Variants in FANCI observed in about 807,000 individuals in gnomAD.
The protein encoded by FANCI is Fanconi anemia group I protein.
FANCI carries 156 observed loss-of-function variants against 176.1 expected under a neutral mutation model. The observed-to-expected ratio is 0.89, with a 90% confidence interval of 0.78 to 1.01. The LOEUF (loss-of-function observed/expected upper bound fraction) is 1.01, where lower values mean the gene tolerates loss of function less well. Ranked by LOEUF, FANCI falls within the 50% of genes least tolerant of loss-of-function variation. The probability of loss-of-function intolerance (pLI) is 0.00; values close to 1 mark genes in which losing one functional copy is unlikely to be tolerated. For synonymous variants in FANCI, 613 were observed against 541.7 expected (o/e 1.13, Z -1.83); for missense variants, 1,678 against 1,534.1 (o/e 1.09, Z -1.57).
At chr15:89,293,800 T>G (rs770861248) in intron 22 of FANCI, 33 bp from the exon 23 acceptor site, 6 of 1,605,336 alleles carry the variant, frequency 3.7e-6, no homozygotes, top group Non-Finnish European at 2.6e-6. Context: ...TTCTGATGTT[T>G]GTCCTTAGCG....
At chr15:89,281,686 A>G (rs1259606762) in intron 15 of FANCI, 79 bp from the exon 16 acceptor site, 1 of 1,288,102 alleles carries the variant, frequency 7.8e-7, no homozygotes, top group Non-Finnish European at 1.1e-6. Context: ...TAGAAGCCAT[A>G]TGGTAACAGT....
Position 89,274,250 on chromosome 15 carries a change from T to C in FANCI, c.1058T>C (p.Leu353Pro). The change falls in exon 12 of 38, where the codon CTA (leucine) becomes CCA (proline). Residue 353 changes from leucine (L) to proline (P), a missense_variant. Coordinates refer to ENST00000310775, the MANE Select transcript of FANCI (RefSeq NM_001113378.2). ...CAAGGCTCAAAATTTCTTCAGAATC[T>C]AGTTCCTCATAGATCTTATGTTTCA... The part of the protein sequence containing the change: ...LLQGSKFLQN[L>P]VPHRSYVSTM... 6.2e-7 allele frequency: 1 copy of C among 1,612,910 alleles called. No individual in the cohort carries two copies. The highest frequency in any genetic ancestry group is 2.2e-5 in the East Asian group (1 of 44,848).
chr15:89,312,919 C>G lies in FANCI; in HGVS notation c.3667C>G (p.Leu1223Val), dbSNP rs747098639. The part of the protein sequence containing the change: ...ISYVQNKSKS[L>V]NYTGEKKEKP... The stretch of plus-strand genomic sequence containing the variant: ...ATTTCTTTAGAATAAGAGTAAGAGC[C>G]TGAACTATACGGGAGAGAAAAAGGA... The change falls in exon 35 of 38, where the codon CTG becomes GTG. Residue 1223 changes from leucine to valine, a missense_variant. Leu to Val is a conservative substitution (Grantham distance 32). This residue lies in a region of FANCI where 1,204 missense variants were observed against 1,077.4 expected (regional missense o/e 1.12). Coordinates refer to ENST00000310775, the MANE Select transcript of FANCI (RefSeq NM_001113378.2). 7.4e-6 allele frequency: 12 copies of G among 1,613,368 alleles called. No homozygotes were observed. Among genetic ancestry groups the G allele is most frequent in the Non-Finnish European group, 1.0e-5 (12 of 1,179,750 alleles).
Position 89,317,117 on chromosome 15 carries a change from T to TTATC in FANCI, c.*660_*663dup, listed in dbSNP as rs1160478111. ...GCAAGAATGCACTCTATAGAATAAATTATCTTTAAACATTTCTTCTGTGGT... is the reference window on the plus strand; with the variant it reads ...GCAAGAATGCACTCTATAGAATAAATTATCTATCTTTAAACATTTCTTCTGTGGT... On this transcript the variant is annotated 3_prime_UTR_variant, in exon 38 of 38. Coordinates refer to ENST00000310775, the MANE Select transcript of FANCI (RefSeq NM_001113378.2). The TTATC allele has an allele frequency of 1.7e-5, 10 of 593,548 alleles. No individual in the cohort carries two copies. Among genetic ancestry groups the TTATC allele is most frequent in the Non-Finnish European group, 3.0e-5 (10 of 335,356 alleles). The allele number at this position is 593,548 out of a possible 1,614,324, so 36.8% of individuals were successfully genotyped here.
At position 89,247,673 on chromosome 15, in the gene FANCI, C is replaced by T. The variant is rs1427863244; in HGVS notation, c.26C>T (p.Ala9Val). The T allele has an allele frequency of 6.2e-7, 1 of 1,613,982 alleles. No homozygotes were observed. Among genetic ancestry groups the T allele is most frequent in the African/African-American group, 1.3e-5 (1 of 75,024 alleles). MDQKILSLAAEKTADKLQE... is the reference protein window; with the variant it reads MDQKILSLVAEKTADKLQE... ...ATGGACCAGAAGATTTTATCTCTAG[C>T]AGCAGAAAAAACAGCAGACAAACTG... The change falls in exon 2 of 38, where the codon GCA becomes GTA. Residue 9 changes from alanine (A) to valine (V), a missense_variant. Physicochemically the swap from Ala to Val is moderately conservative, Grantham distance 64. Transcript: ENST00000310775.
At chr15:89,301,274 G>A (rs2054515762) in intron 26 of FANCI, 52 bp from the exon 27 acceptor site, 2 of 1,203,794 alleles carry the variant, frequency 1.7e-6, no homozygotes, top group East Asian at 4.6e-5. Context: ...TCTTCTTCCT[G>A]ATAGGAACGT....
chr15:89,277,223 T>C (rs957796573), intron 13 of FANCI, among the ~76,000 whole-genome samples: 3 of 152,228 alleles, frequency 2.0e-5, no homozygotes, highest in Admixed American at 6.5e-5. Context: ...TTTGTTTTAA[T>C]GCTGTTCCTT....
chr15:89,316,309 AAGAT>A (rs1444126104), intron 37 of FANCI, 84 bp from the exon 38 acceptor site: 5 of 1,308,018 alleles, frequency 3.8e-6, no homozygotes, highest in Middle Eastern at 3.7e-4. Context: ...CTTTGATGAG[AAGAT>A]AGAGTCTTTT....
intron 34 of FANCI, among the ~76,000 whole-genome samples, chr15:89,311,492 G>C (rs549334939): frequency 6.6e-6 from 1 of 151,984 alleles, no homozygotes; most frequent in Non-Finnish European, 1.5e-5. Flanking sequence ...GCAGGGAACA[G>C]GGTTGATCTA....
chr15:89,304,691 G>A (rs958495822), intron 28 of FANCI, among the ~76,000 whole-genome samples: 10 of 152,022 alleles, frequency 6.6e-5, no homozygotes, highest in South Asian at 2.1e-4. Context: ...CCTGAGACAC[G>A]ACAAGCTACC....
chr15:89,290,351 G>C (rs2054014103), intron 19 of FANCI, 70 bp downstream of exon 19: 1 of 1,201,070 alleles, frequency 8.3e-7, no homozygotes, highest in Admixed American at 1.7e-5. Context: ...ATGGTTTTCA[G>C]ACCTTTCAAA....
rs989969696 is a variant in FANCI at position 89,314,713 on chromosome 15, C to T, written c.3816+6C>T. 1.4e-5 allele frequency: 22 copies of T among 1,593,574 alleles called. No individual in the cohort carries two copies. Among genetic ancestry groups the T allele is most frequent in the Non-Finnish European group, 1.8e-5 (21 of 1,161,566 alleles). On this transcript the variant is annotated splice_donor_region_variant and intron_variant, in intron 36 of 37. Coordinates refer to ENST00000310775, the MANE Select transcript of FANCI (RefSeq NM_001113378.2). ...ACCTTTCTAAGAAGTCCAAGGTAAACATTCTCTTATTATGTGCTACCATTC... is the reference window on the plus strand; with the variant it reads ...ACCTTTCTAAGAAGTCCAAGGTAAATATTCTCTTATTATGTGCTACCATTC...
chr15:89,297,448 C>A (rs1324548776), intron 24 of FANCI, among the ~76,000 whole-genome samples: 2 of 152,078 alleles, frequency 1.3e-5, no homozygotes, highest in African/African-American at 4.8e-5. Context: ...GAGATCACGC[C>A]ACTGCACTCC....
At chr15:89,305,523 G>A in intron 30 of FANCI, 82 bp from the exon 31 acceptor site, 1 of 1,588,912 alleles carries the variant, frequency 6.3e-7, no homozygotes, top group Non-Finnish European at 8.6e-7. Flanking sequence ...TAACCCACCT[G>A]TAGGTGGCCA....
intron 24 of FANCI, among the ~76,000 whole-genome samples, chr15:89,295,473 C>G (rs182477662): frequency 6.6e-6 from 1 of 151,940 alleles, no homozygotes; most frequent in East Asian, 1.9e-4. Flanking sequence ...CGAGACCAGT[C>G]TGACCAACAT....
At chr15:89,278,859 T>C in intron 14 of FANCI, 85 bp downstream of exon 14, 1 of 1,004,398 alleles carries the variant, frequency 1.0e-6, no homozygotes, top group Admixed American at 1.8e-5. Flanking sequence ...GAAAAAAATT[T>C]TAATGAGCAT....
intron 2 of FANCI, 44 bp downstream of exon 2, chr15:89,247,775 A>C: frequency 6.6e-7 from 1 of 1,522,624 alleles, no homozygotes. Flanking sequence ...AATGTCAGGC[A>C]TGATGACACA....
chr15:89,277,721 T>C (rs943153022), intron 13 of FANCI, among the ~76,000 whole-genome samples: 2 of 151,940 alleles, frequency 1.3e-5, no homozygotes, highest in African/African-American at 2.4e-5. Flanking sequence ...ATCACTGACA[T>C]CTCAATCTTA....
At chr15:89,254,248 C>T (rs2052398926) in intron 2 of FANCI, among the ~76,000 whole-genome samples, 1 of 151,952 alleles carries the variant, frequency 6.6e-6, no homozygotes, top group African/African-American at 2.4e-5. Context: ...ACAAACACAC[C>T]CATCACCTAG....
Sources: allele counts gnomAD v4.1 joint callset (sites outside exome capture counted in the v4.1 genomes callset), GRCh38; gene constraint gnomAD v4.1.1; regional missense constraint gnomAD v4.1.1; transcripts MANE v1.5; gene names NCBI Gene and HGNC (gene_info 2026-07-23, HGNC 2026-07-21).